The following CFAP70 variants were observed in gnomAD, a reference collection of about 807,000 sequenced individuals.
CFAP70 encodes the protein cilia- and flagella-associated protein 70.
A neutral mutation model predicts 137.6 loss-of-function variants in CFAP70; 81 were observed. The ratio of observed to expected loss-of-function variants is 0.59; its 90% CI spans 0.49 to 0.71. The LOEUF is 0.71. Among genes scored for constraint, CFAP70 ranks in the 30% least tolerant of loss-of-function variants. The pLI, the probability that CFAP70 is intolerant of heterozygous loss-of-function variation, is 0.00. For missense variants in CFAP70, 976 were observed against 1,226.7 expected (o/e 0.80, Z 3.05); for synonymous variants, 382 against 423.6 (o/e 0.90, Z 1.20).
chr10:73,327,322 T>C (rs1034486111), intron 8 of CFAP70, among the ~76,000 whole-genome samples: 2 of 149,946 alleles, frequency 1.3e-5, no homozygotes, highest in Admixed American at 6.6e-5. Context: ...AAATTAGGTA[T>C]TGATGGGACG....
chr10:73,342,843 G>A (rs1014924416), intron 5 of CFAP70, among the ~76,000 whole-genome samples: 3 of 152,134 alleles, frequency 2.0e-5, no homozygotes, highest in East Asian at 1.9e-4. Flanking sequence ...GTGGGAGGCC[G>A]AGGCGGGCGG....
At position 73,275,499 on chromosome 10, in the gene CFAP70, T is replaced by C. The variant is rs4294502; in HGVS notation, c.2620A>G (p.Asn874Asp). 0.095 allele frequency: 153,077 copies of C among 1,611,162 alleles called. 11,921 individuals carry two copies. Among genetic ancestry groups the C allele is most frequent in the African/African-American group, 0.32 (24,208 of 74,684 alleles). ...AGGTATTCCTCTGCCTTGGCAAAGTTCTTCTTAAGAATGTGTGTTTGGGCC... is the reference window on the plus strand; with the variant it reads ...AGGTATTCCTCTGCCTTGGCAAAGTCCTTCTTAAGAATGTGTGTTTGGGCC... Residue 874 changes from asparagine to aspartate, a missense_variant, in exon 22 of 27, where the codon AAC (asparagine) becomes GAC (aspartate). By Grantham distance (23) the Asn-to-Asp change is conservative. Transcript: ENST00000310715. This position sits in a 1 kb window ranked among gnomAD's most constrained non-coding sequence, Gnocchi z 4.0.
chr10:73,280,107 C>T (rs1200123588), intron 19 of CFAP70, among the ~76,000 whole-genome samples: 1 of 152,096 alleles, frequency 6.6e-6, no homozygotes, highest in Non-Finnish European at 1.5e-5. Context: ...TGAAACTGAT[C>T]TTACAACCCT....
chr10:73,319,781 A>C lies in CFAP70; in HGVS notation c.912+3182T>G, dbSNP rs139880076. ...TATCACACCTTTACCACCAATGGGC[A>C]TTATCATATTTTAAAGAATTGTTGA... On this transcript the variant is annotated intron_variant, in intron 9 of 26. Coordinates refer to ENST00000310715, the Ensembl canonical transcript of CFAP70. Among the ~76,000 whole-genome samples, 258 of 152,336 alleles carry C rather than the reference A, an allele frequency of 1.7e-3. 1 individual carries two copies. Among genetic ancestry groups the C allele is most frequent in the African/African-American group, 5.8e-3 (242 of 41,582 alleles).
intron 19 of CFAP70, among the ~76,000 whole-genome samples, chr10:73,285,175 A>C (rs2047599469): frequency 6.6e-6 from 1 of 152,166 alleles, no homozygotes; most frequent in Non-Finnish European, 1.5e-5. Context: ...AAATTAAGGC[A>C]GGCAAGAGAT....
chr10:73,265,619 T>C (rs11000572), intron 25 of CFAP70, among the ~76,000 whole-genome samples: 15,959 of 152,230 alleles, frequency 0.1, 1,188 homozygotes, highest in East Asian at 0.29. Flanking sequence ...AATTAATAAC[T>C]TGCGCACGCT....
At chr10:73,273,795 G>A (rs946954519) in intron 23 of CFAP70, among the ~76,000 whole-genome samples, 4 of 152,128 alleles carry the variant, frequency 2.6e-5, no homozygotes, top group Admixed American at 2.0e-4. Flanking sequence ...GTGTTCTGAC[G>A]GGAAAAATAG....
At chr10:73,334,009 ACT>A (rs941221797) in intron 7 of CFAP70, among the ~76,000 whole-genome samples, 2 of 151,944 alleles carry the variant, frequency 1.3e-5, no homozygotes, top group Admixed American at 1.3e-4. Flanking sequence ...GTATATAAAA[ACT>A]CTCTAAAATA....
At chr10:73,351,105 A>G (rs1589602263) in intron 3 of CFAP70, among the ~76,000 whole-genome samples, 2 of 91,632 alleles carry the variant, frequency 2.2e-5, no homozygotes, top group African/African-American at 6.0e-5. Context: ...ATATATATAT[A>G]TATATATGTA....
chr10:73,306,981 C>CTT (rs59582341), intron 12 of CFAP70, among the ~76,000 whole-genome samples: 17 of 151,886 alleles, frequency 1.1e-4, no homozygotes, highest in African/African-American at 3.9e-4. Context: ...TTTCTCTCCT[C>CTT]TTTTTTTTGA....
chr10:73,276,963 C>T, intron 21 of CFAP70: 1 of 229,880 alleles, frequency 4.4e-6, no homozygotes, highest in Non-Finnish European at 8.4e-6. Flanking sequence ...AAATGAATTC[C>T]CATAATAAAG....
intron 25 of CFAP70, among the ~76,000 whole-genome samples, chr10:73,262,471 A>G (rs1446445725): frequency 2.0e-5 from 3 of 152,196 alleles, no homozygotes; most frequent in African/African-American, 7.2e-5. Flanking sequence ...TTGGATATGC[A>G]AAAGAGAAGC....
Position 73,312,453 on chromosome 10 carries a change from T to A in CFAP70, c.1083+20A>T. 1 of 1,552,852 alleles carries A rather than the reference T, an allele frequency of 6.4e-7. No homozygotes were observed. Among genetic ancestry groups the A allele is most frequent in the Non-Finnish European group, 8.7e-7 (1 of 1,150,378 alleles). On this transcript the variant is annotated intron_variant, in intron 10 of 26. Transcript: ENST00000310715. ...GAATGTAATCTAAGAGGCAAAATCA[T>A]CACCTTCTCAACAACCTACCACATC...
chr10:73,344,840 C>T (rs1208990604), intron 5 of CFAP70, among the ~76,000 whole-genome samples: 1 of 151,632 alleles, frequency 6.6e-6, no homozygotes, highest in African/African-American at 2.4e-5. Flanking sequence ...TATTTTCCAC[C>T]ATATATTTAT....
intron 3 of CFAP70, among the ~76,000 whole-genome samples, chr10:73,352,971 A>G (rs1196279652): frequency 1.3e-5 from 2 of 152,084 alleles, no homozygotes; most frequent in Admixed American, 6.6e-5. Flanking sequence ...TGATTGTTAC[A>G]TTTTGGCAGA....
Position 73,338,445 on chromosome 10 carries a change from T to A in CFAP70, c.583-2921A>T, listed in dbSNP as rs147291034. Among the ~76,000 whole-genome samples, 1,254 of 148,940 alleles carry A rather than the reference T, an allele frequency of 8.4e-3. 23 individuals carry two copies. Among genetic ancestry groups the A allele is most frequent in the African/African-American group, 0.028 (1,116 of 40,416 alleles). ...ATATGTGAATCTCTTTTTTTTTTTT[T>A]TTTTTTAGACAGTCTCACTCTGTTG... On this transcript the variant is annotated intron_variant, in intron 6 of 26. Coordinates refer to ENST00000310715, the Ensembl canonical transcript of CFAP70.
rs1223016827 is a variant in CFAP70 at position 73,309,321 on chromosome 10, T to C, written c.1256+837A>G. Among the ~76,000 whole-genome samples the C allele has an allele frequency of 3.3e-5, 5 of 152,286 alleles. No homozygotes were observed. The East Asian group carries it at 7.7e-4, about 23-fold the overall frequency. On this transcript the variant is annotated intron_variant, in intron 12 of 26. Coordinates refer to ENST00000310715, the Ensembl canonical transcript of CFAP70. ...GCACTATGGTACAATATAAACAGTTTTTTTAAATTACATATATGTATATGT... is the reference window on the plus strand; with the variant it reads ...GCACTATGGTACAATATAAACAGTTCTTTTAAATTACATATATGTATATGT...
intron 9 of CFAP70, among the ~76,000 whole-genome samples, chr10:73,316,499 T>TAG (rs898640503): frequency 7.3e-6 from 1 of 136,166 alleles, no homozygotes; most frequent in African/African-American, 2.8e-5. Context: ...TATATATATA[T>TAG]ATATATATAT....
At chr10:73,352,685 G>A (rs2054365965) in intron 3 of CFAP70, among the ~76,000 whole-genome samples, 1 of 152,084 alleles carries the variant, frequency 6.6e-6, no homozygotes, top group Non-Finnish European at 1.5e-5. Flanking sequence ...CTCAGTGGGA[G>A]GAATAGAGAA....
Sources: allele counts gnomAD v4.1 joint callset (sites outside exome capture counted in the v4.1 genomes callset), GRCh38; gene constraint gnomAD v4.1.1; non-coding constraint Gnocchi (gnomAD v3.1); transcripts MANE v1.5; gene names NCBI Gene and HGNC (gene_info 2026-07-23, HGNC 2026-07-21).